Variants in GRIK3 observed in about 807,000 individuals in gnomAD.
GRIK3 encodes the protein glutamate receptor ionotropic, kainate 3.
GRIK3 carries 29 observed loss-of-function variants against 102.5 expected under a neutral mutation model. The ratio of observed to expected loss-of-function variants is 0.28; its 90% confidence interval spans 0.21 to 0.39. The LOEUF (loss-of-function observed/expected upper bound fraction) is 0.39, where lower values mean the gene tolerates loss of function less well. Ranked by LOEUF, GRIK3 falls within the 10% of genes least tolerant of loss-of-function variation. The pLI, the probability that GRIK3 is intolerant of heterozygous loss-of-function variation, is 1.00. For missense variants in GRIK3, 908 were observed against 1,252.4 expected (o/e 0.73, Z 4.15); for synonymous variants, 511 against 504.9 (o/e 1.01, Z -0.16).
chr1:36,822,742 C>A (rs1225504753), intron 11 of GRIK3, among the ~76,000 whole-genome samples: 1 of 152,068 alleles, frequency 6.6e-6, no homozygotes, highest in Non-Finnish European at 1.5e-5. Context: ...GCAATGTGGC[C>A]CCCAGGAAGT....
intron 1 of GRIK3, among the ~76,000 whole-genome samples, chr1:36,908,291 C>T (rs553830335): frequency 1.7e-4 from 26 of 152,348 alleles, no homozygotes; most frequent in Middle Eastern, 3.4e-3. Flanking sequence ...GGGGCAGTGT[C>T]AACTGCACTA....
At chr1:36,849,230 C>T (rs1640553249) in intron 9 of GRIK3, among the ~76,000 whole-genome samples, 1 of 152,100 alleles carries the variant, frequency 6.6e-6, no homozygotes, top group Non-Finnish European at 1.5e-5. Context: ...TGAATCATCC[C>T]AGGTAGGGCC....
At chr1:36,950,740 T>A (rs1434517729) in intron 1 of GRIK3, among the ~76,000 whole-genome samples, 1 of 152,266 alleles carries the variant, frequency 6.6e-6, no homozygotes. Context: ...ACTGTCTTGT[T>A]GAGAACTTGA....
At chr1:36,931,080 G>A (rs1355804986) in intron 1 of GRIK3, among the ~76,000 whole-genome samples, 2 of 152,294 alleles carry the variant, frequency 1.3e-5, no homozygotes, top group Non-Finnish European at 2.9e-5. Context: ...GTCAAGCTCA[G>A]CAGAGTCTCC....
chr1:36,809,289 G>A (rs1449371461), intron 13 of GRIK3, among the ~76,000 whole-genome samples: 1 of 151,950 alleles, frequency 6.6e-6, no homozygotes, highest in Non-Finnish European at 1.5e-5. Context: ...GTACATACTA[G>A]TTAATTCAAC....
chr1:36,851,377 G>A (rs566007294), intron 8 of GRIK3, among the ~76,000 whole-genome samples: 1 of 152,242 alleles, frequency 6.6e-6, no homozygotes, highest in African/African-American at 2.4e-5. Flanking sequence ...TGGGAGCTCA[G>A]CATCCTCTCA....
In GRIK3 at chr1:36,798,550, A is replaced by G. The variant is rs1642396194; in HGVS notation, c.*3301T>C. ...ACTGGCAGGACAGACCTAAACTTAA[A>G]AAAACACAAGATCTGCCTCACTGAA... On this transcript the variant is annotated 3_prime_UTR_variant, in exon 16 of 16. Transcript: ENST00000373091. 3 of 152,350 alleles carry G rather than the reference A, an allele frequency of 2.0e-5. No homozygotes were observed. The allele number at this position is 152,350 out of a possible 1,614,324, so 9.4% of individuals were successfully genotyped here. A position where few individuals can be genotyped will look rare whatever the true frequency, so the allele number is the denominator to read the frequency against.
intron 1 of GRIK3, among the ~76,000 whole-genome samples, chr1:36,962,903 G>A (rs923465241): frequency 3.9e-4 from 55 of 139,346 alleles, no homozygotes; most frequent in African/African-American, 6.7e-4. Context: ...AAAAAAAAAA[G>A]GAGGAAGGAA....
chr1:36,849,017 C>T (rs1266381353), intron 9 of GRIK3, among the ~76,000 whole-genome samples: 1 of 152,164 alleles, frequency 6.6e-6, no homozygotes, highest in Non-Finnish European at 1.5e-5. Context: ...CGTGAGATCT[C>T]CATCATCTTT....
chr1:36,804,943 T>C (rs2124176264), intron 15 of GRIK3, 44 bp downstream of exon 15: 1 of 1,604,326 alleles, frequency 6.2e-7, no homozygotes, highest in Non-Finnish European at 8.5e-7. Flanking sequence ...TCAGCGCGAA[T>C]CTCCATTTCC....
chr1:36,897,647 G>C (rs1428717666), intron 1 of GRIK3, among the ~76,000 whole-genome samples: 1 of 152,136 alleles, frequency 6.6e-6, no homozygotes, highest in African/African-American at 2.4e-5. Flanking sequence ...AATAATAAAT[G>C]CTACTGAGGA....
chr1:36,896,711 AG>A (rs1641176471), intron 1 of GRIK3, among the ~76,000 whole-genome samples: 1 of 152,190 alleles, frequency 6.6e-6, no homozygotes, highest in Admixed American at 6.5e-5. Flanking sequence ...CAACTAAAAG[AG>A]ATTGTCAAAG....
At chr1:36,898,519 G>A (rs913869978) in intron 1 of GRIK3, among the ~76,000 whole-genome samples, 2 of 152,086 alleles carry the variant, frequency 1.3e-5, no homozygotes, top group Non-Finnish European at 2.9e-5. Flanking sequence ...AAACATTGTT[G>A]AAGGTAATTA....
At chr1:36,814,516 C>A (rs568013112) in intron 13 of GRIK3, among the ~76,000 whole-genome samples, 102 of 134,754 alleles carry the variant, frequency 7.6e-4, no homozygotes, top group African/African-American at 1.6e-3. Context: ...TAGACCCCCC[C>A]CCCCCACACA....
intron 1 of GRIK3, among the ~76,000 whole-genome samples, chr1:36,984,671 A>C (rs1291708641): frequency 2.0e-5 from 3 of 152,218 alleles, no homozygotes; most frequent in African/African-American, 7.2e-5. Context: ...GGAGAGAAGA[A>C]AGAAGGTGGT....
rs559816302 is a variant in GRIK3 at position 37,016,763 on chromosome 1, C to T, written c.115+17231G>A. Among the ~76,000 whole-genome samples, 17 of 152,114 alleles carry T rather than the reference C, an allele frequency of 1.1e-4. No individual in the cohort carries two copies. In the South Asian group the frequency reaches 3.3e-3, roughly 30 times the overall value. The stretch of plus-strand genomic sequence containing the variant: ...TGGAAACCCAAAATTTCATATGAAA[C>T]GTCCCAATTTTTGAATGTTGGCTGA... On this transcript the variant is annotated intron_variant, in intron 1 of 15. Transcript: ENST00000373091.
chr1:36,967,469 A>G (rs1394746985), intron 1 of GRIK3, among the ~76,000 whole-genome samples: 1 of 152,164 alleles, frequency 6.6e-6, no homozygotes, highest in East Asian at 1.9e-4. Context: ...AGGGAGCAAG[A>G]CTCATGGGTC....
rs373564985 is a variant in GRIK3, at chr1:36,819,156, C to T, written c.1873+580G>A. 7.9e-4 allele frequency among the ~76,000 whole-genome samples: 121 copies of T among 152,332 alleles called. 1 individual carries two copies. The highest frequency in any genetic ancestry group is 2.6e-3 in the African/African-American group (109 of 41,578). ...TTGTGTACCTCATCTTTGAAGCACT[C>T]GGGCTGAAGTCCCCAACTCAGCCAT... On this transcript the variant is annotated intron_variant, in intron 12 of 15. Transcript: ENST00000373091. The surrounding 1 kb of genome is among the most constrained non-coding windows in gnomAD (Gnocchi z 4.1).
chr1:36,800,090 G>C lies in GRIK3; in HGVS notation c.*1761C>G, dbSNP rs562917531. 2.3e-4 allele frequency: 35 copies of C among 152,312 alleles called. No homozygotes were observed. Among genetic ancestry groups the C allele is most frequent in the African/African-American group, 8.2e-4 (34 of 41,554 alleles). 9.4% of individuals were successfully genotyped at this position (152,312 alleles called of 1,614,324 possible). ...CCTGCAGCTCACAGTCTGGAGGAGG[G>C]ACAGTGTTTATCACATGAGCCCACT... is the stretch of plus-strand genomic sequence containing the variant. On this transcript the variant is annotated 3_prime_UTR_variant, in exon 16 of 16. Transcript: ENST00000373091.
Sources: allele counts gnomAD v4.1 joint callset (sites outside exome capture counted in the v4.1 genomes callset), GRCh38; gene constraint gnomAD v4.1.1; non-coding constraint Gnocchi (gnomAD v3.1); transcripts MANE v1.5; gene names NCBI Gene and HGNC (gene_info 2026-07-23, HGNC 2026-07-21).